Variants in KCMF1 observed in about 807,000 individuals in gnomAD.
The protein encoded by KCMF1 is E3 ubiquitin-protein ligase KCMF1.
Under a neutral mutation model 41.1 loss-of-function variants are expected in KCMF1, and 3 were observed. The observed-to-expected ratio is 0.07, with a 90% CI of 0.03 to 0.19. The LOEUF (loss-of-function observed/expected upper bound fraction) is 0.19, where lower values mean the gene tolerates loss of function less well. KCMF1 is among the 10% of genes least tolerant of loss of function. KCMF1 has a pLI of 1.00. For missense variants in KCMF1, 286 were observed against 488.9 expected (o/e 0.58, Z 3.91); for synonymous variants, 142 against 164.5 (o/e 0.86, Z 1.04).
chr2:85,017,896 T>G (rs1180748888), intron 1 of KCMF1, among the ~76,000 whole-genome samples: 1 of 152,210 alleles, frequency 6.6e-6, no homozygotes, highest in East Asian at 1.9e-4. Flanking sequence ...TTTCAGTGGC[T>G]TTTTAAAAAT....
intron 1 of KCMF1, among the ~76,000 whole-genome samples, chr2:85,026,278 A>T (rs1675100748): frequency 6.6e-6 from 1 of 150,724 alleles, no homozygotes. Flanking sequence ...GGCGTGAGCC[A>T]CTGCGCCTGG....
intron 2 of KCMF1, among the ~76,000 whole-genome samples, chr2:85,033,829 G>A (rs909723945): frequency 5.9e-5 from 9 of 152,090 alleles, no homozygotes; most frequent in Non-Finnish European, 8.8e-5. Flanking sequence ...CACTTACGAG[G>A]TGAACAAATT....
intron 1 of KCMF1, among the ~76,000 whole-genome samples, chr2:85,004,700 A>G (rs1013250298): frequency 6.6e-6 from 1 of 151,960 alleles, no homozygotes; most frequent in Non-Finnish European, 1.5e-5. Flanking sequence ...TGTGATTCGT[A>G]GGATTGTTTG....
chr2:84,998,021 C>T (rs1674218632), intron 1 of KCMF1, among the ~76,000 whole-genome samples: 2 of 151,710 alleles, frequency 1.3e-5, no homozygotes, highest in Admixed American at 1.3e-4. Context: ...GATCTGCCCA[C>T]CTCGGACTCC....
At chr2:85,037,300 A>G (rs575468502) in intron 3 of KCMF1, among the ~76,000 whole-genome samples, 8 of 152,272 alleles carry the variant, frequency 5.3e-5, no homozygotes, top group African/African-American at 1.9e-4. Flanking sequence ...AGACATTTCA[A>G]AGTGAAAAAT....
At chr2:84,977,194 C>CA (rs1263043519) in intron 1 of KCMF1, among the ~76,000 whole-genome samples, 1 of 151,916 alleles carries the variant, frequency 6.6e-6, no homozygotes. Context: ...TTTCTCTTCT[C>CA]AAAAAATGTT....
intron 4 of KCMF1, among the ~76,000 whole-genome samples, chr2:85,045,396 G>C (rs906339890): frequency 1.3e-5 from 2 of 152,068 alleles, no homozygotes; most frequent in African/African-American, 2.4e-5. Context: ...CTACCCATCC[G>C]GTCCTTAAAT....
chr2:85,046,112 G>A lies in KCMF1; in HGVS notation c.435G>A (p.Ser145=). The change falls in exon 5 of 7, where the codon TCG becomes TCA. Residue 145 remains serine, a synonymous_variant. Transcript: ENST00000409785. ...CTTAACTTTTGGGTTATGATGAATC[G>A]AGTGGTGTTCGACATGTACGTAGAA... is the stretch of plus-strand genomic sequence containing the variant. ...EHRAPRDLDE[S]SGVRHVRRMF... 6.2e-7 allele frequency: 1 copy of A among 1,610,320 alleles called. No homozygotes were observed. The highest frequency in any genetic ancestry group is 8.5e-7 in the Non-Finnish European group (1 of 1,178,526).
At chr2:84,992,055 T>G (rs185967400) in intron 1 of KCMF1, among the ~76,000 whole-genome samples, 116 of 152,308 alleles carry the variant, frequency 7.6e-4, no homozygotes, top group African/African-American at 2.7e-3. Context: ...AAGTTAGGAA[T>G]GGAACTTTGG....
chr2:85,029,522 C>G (rs763796643), intron 2 of KCMF1, among the ~76,000 whole-genome samples: 10 of 151,270 alleles, frequency 6.6e-5, no homozygotes, highest in Admixed American at 3.3e-4. Flanking sequence ...TCACTTGAGC[C>G]CAGGAGGTCA....
intron 1 of KCMF1, chr2:84,972,083 G>C (rs917889509): frequency 2.0e-5 from 3 of 152,182 alleles, no homozygotes; most frequent in Non-Finnish European, 4.4e-5. Context: ...GCGCGTCCCT[G>C]GGCTCGGGTA....
At chr2:85,049,720 T>C (rs1269950716) in intron 6 of KCMF1, 72 bp downstream of exon 6, 2 of 1,238,368 alleles carry the variant, frequency 1.6e-6, no homozygotes, top group Non-Finnish European at 2.2e-6. Context: ...GAATTATCTT[T>C]TCTCTTTTGT....
chr2:85,011,178 T>C (rs1453117560), intron 1 of KCMF1, among the ~76,000 whole-genome samples: 1 of 152,192 alleles, frequency 6.6e-6, no homozygotes, highest in African/African-American at 2.4e-5. Flanking sequence ...ATGCTCAAAT[T>C]GTCCCAGGTT....
At chr2:84,971,582 G>A in intron 1 of KCMF1, 115 bp downstream of exon 1, 2 of 455,080 alleles carry the variant, frequency 4.4e-6, no homozygotes, top group Non-Finnish European at 6.2e-6. Context: ...AGCCCGAGCC[G>A]GGCCCGAGGC....
chr2:85,033,265 T>G (rs1675322137), intron 2 of KCMF1, among the ~76,000 whole-genome samples: 1 of 152,210 alleles, frequency 6.6e-6, no homozygotes, highest in Non-Finnish European at 1.5e-5. Flanking sequence ...TCACAAAAGC[T>G]CTCTTAAATT....
chr2:85,036,572 T>C (rs186772987), intron 3 of KCMF1, among the ~76,000 whole-genome samples: 3 of 152,186 alleles, frequency 2.0e-5, no homozygotes, highest in African/African-American at 7.2e-5. Context: ...GGTGAGAGCA[T>C]TGCTTGAGCC....
intron 2 of KCMF1, among the ~76,000 whole-genome samples, chr2:85,029,720 C>T (rs1221810134): frequency 1.6e-5 from 2 of 123,286 alleles, no homozygotes; most frequent in Admixed American, 1.0e-4. Context: ...TCACTCTTGT[C>T]GCCTAGGCTG....
At chr2:85,004,909 C>T (rs1181802113) in intron 1 of KCMF1, among the ~76,000 whole-genome samples, 1 of 151,982 alleles carries the variant, frequency 6.6e-6, no homozygotes, top group Admixed American at 6.6e-5. Flanking sequence ...AATTTCAGCT[C>T]ACTGCAACCT....
chr2:85,028,216 C>T (rs1232810590), intron 2 of KCMF1, among the ~76,000 whole-genome samples, 160 bp downstream of exon 2: 1 of 152,102 alleles, frequency 6.6e-6, no homozygotes, highest in Non-Finnish European at 1.5e-5. Context: ...GAGTTTCGCT[C>T]TTGTTGCCCA....
Sources: allele counts gnomAD v4.1 joint callset (sites outside exome capture counted in the v4.1 genomes callset), GRCh38; gene constraint gnomAD v4.1.1; transcripts MANE v1.5; gene names NCBI Gene and HGNC (gene_info 2026-07-23, HGNC 2026-07-21).